The following PLA2G4F variants were observed in gnomAD, a reference collection of about 807,000 sequenced individuals.
PLA2G4F encodes cytosolic phospholipase A2 zeta.
A neutral mutation model predicts 103.1 loss-of-function variants in PLA2G4F; 105 were observed. The ratio of observed to expected loss-of-function variants is 1.02; its 90% CI spans 0.87 to 1.20. The LOEUF is 1.20. PLA2G4F is among the 50% of genes most tolerant of loss of function. PLA2G4F has a pLI of 0.00. For missense variants in PLA2G4F, 1,155 were observed against 1,075.9 expected, an observed-to-expected ratio of 1.07 and a Z score of -1.03; for synonymous variants, 468 against 441.1, an observed-to-expected ratio of 1.06 and a Z score of -0.76.
At chr15:42,149,084 T>C in intron 11 of PLA2G4F, 1 of 985,406 alleles carries the variant, frequency 1.0e-6, no homozygotes, top group Non-Finnish European at 1.2e-6. Context: ...GGCCACAGGC[T>C]GGCTGTCTCT....
Position 42,141,859 on chromosome 15 carries a change from C to T in PLA2G4F, c.*125G>A, listed in dbSNP as rs148685484. ...GAGCTTTCCGGGGCCTGGGGCACCT[C>T]GAGGCAGGTCCTGGAGAGAAGGGAA... On this transcript the variant is annotated 3_prime_UTR_variant, in exon 20 of 20. Coordinates refer to ENST00000397272, the MANE Select transcript of PLA2G4F (RefSeq NM_213600.4). The T allele has an allele frequency of 5.5e-5, 57 of 1,027,230 alleles. No homozygotes were observed. The Admixed American group carries it at 5.8e-4, about 10-fold the overall frequency. The allele number at this position is 1,027,230 out of a possible 1,614,324, so 63.6% of individuals were successfully genotyped here.
intron 12 of PLA2G4F, 80 bp from the exon 13 acceptor site, chr15:42,147,426 C>T (rs1482272114): frequency 1.4e-6 from 2 of 1,443,148 alleles, no homozygotes; most frequent in Middle Eastern, 2.4e-4. Context: ...TGTGAGTGGC[C>T]CTCCACCCCC....
At chr15:42,149,259 TA>T in intron 11 of PLA2G4F, 7 of 803,326 alleles carry the variant, frequency 8.7e-6, no homozygotes, top group Non-Finnish European at 1.1e-5. Context: ...TGAGTAAGGG[TA>T]GGGCCTTCAA....
In PLA2G4F at chr15:42,144,016, T is replaced by A. The variant is rs756173146; in HGVS notation, c.2104A>T (p.Ile702Phe). The change falls in exon 18 of 20, where the codon ATT (isoleucine) becomes TTT (phenylalanine). Residue 702 changes from isoleucine (I) to phenylalanine (F), a missense_variant. By Grantham distance (21) the Ile-to-Phe change is conservative (BLOSUM62 0). Transcript: ENST00000397272. ...TCCAAGGAATAGTCAAAGGACAGAA[T>A]GAGGTCCACTGCTCTCTGAGGCAGC... ...ALLPQRAVDL[I>F]LSFDYSLEAP... is the part of the protein sequence containing the mutation. 2 of 1,613,382 alleles carry A rather than the reference T, an allele frequency of 1.2e-6. No homozygotes were observed. The highest frequency in any genetic ancestry group is 1.7e-5 in the Admixed American group (1 of 59,934).
chr15:42,155,192 C>T (rs1018849107), intron 2 of PLA2G4F, among the ~76,000 whole-genome samples: 8 of 151,812 alleles, frequency 5.3e-5, no homozygotes, highest in Non-Finnish European at 1.0e-4. Flanking sequence ...TATACACACT[C>T]GCAGTCACAT....
rs1432391303 is a variant in PLA2G4F, at chr15:42,142,091, G to A, written c.2443C>T (p.Leu815=). 6.2e-7 allele frequency: 1 copy of A among 1,614,098 alleles called. No homozygotes were observed. Among genetic ancestry groups the A allele is most frequent in the Non-Finnish European group, 8.5e-7 (1 of 1,180,028 alleles). Residue 815 remains leucine, a synonymous_variant, in exon 20 of 20, where the codon CTG becomes TTG. Coordinates refer to ENST00000397272, the MANE Select transcript of PLA2G4F (RefSeq NM_213600.4). ...FTYEPQDFYR[L]VALSRYNVLN... Reference sequence around the variant, plus strand: ...ACGTTGTATCGACTGAGGGCCACCAGCCGATAAAAGTCCTGGGGCTCATAG... The same window carrying A: ...ACGTTGTATCGACTGAGGGCCACCAACCGATAAAAGTCCTGGGGCTCATAG...
intron 17 of PLA2G4F, 150 bp from the exon 18 acceptor site, chr15:42,144,294 C>G: frequency 7.2e-7 from 1 of 1,388,290 alleles, no homozygotes; most frequent in Non-Finnish European, 9.7e-7. Flanking sequence ...GCCCTGCCTT[C>G]CAGCTTCCAG....
intron 16 of PLA2G4F, among the ~76,000 whole-genome samples, chr15:42,145,001 G>A (rs1198424893): frequency 1.3e-5 from 2 of 152,230 alleles, no homozygotes; most frequent in Non-Finnish European, 2.9e-5. Context: ...GGGCTGTGAA[G>A]GTGAACGGGA....
chr15:42,145,596 T>G lies in PLA2G4F; in HGVS notation c.1759A>C (p.Arg587=), dbSNP rs2048872977. 1 of 1,614,018 alleles carries G rather than the reference T, an allele frequency of 6.2e-7. No homozygotes were observed. Among genetic ancestry groups the G allele is most frequent in the African/African-American group, 1.3e-5 (1 of 74,910 alleles). Residue 587 remains arginine, a synonymous_variant, in exon 16 of 20, where the codon AGA becomes CGA. Transcript: ENST00000397272. ...TCACCTGTGATATTCACACTGCCTC[T>G]GTACCACTCCAGGAAGCTGAGGCCC... ...GSGLSFLEWY[R]GSVNITDDCQ...
chr15:42,147,320 G>A lies in PLA2G4F; in HGVS notation c.1223C>T (p.Pro408Leu), dbSNP rs753605649. The change falls in exon 13 of 20, where the codon CCA (proline) becomes CTA (leucine). Residue 408 changes from proline to leucine, a missense_variant. Pro to Leu is a moderately conservative substitution (Grantham distance 98). Coordinates refer to ENST00000397272, the MANE Select transcript of PLA2G4F (RefSeq NM_213600.4). The stretch of plus-strand genomic sequence containing the variant: ...CTGCAAGGCCACCTGGGACCAGGCT[G>A]GGTCCCTGTAGAGTGTGGAGATGCA... ...TWCISTLYRD[P>L]AWSQVALQGP... 1 of 1,608,896 alleles carries A rather than the reference G, an allele frequency of 6.2e-7. No homozygotes were observed. The highest frequency in any genetic ancestry group is 1.1e-5 in the South Asian group (1 of 90,992).
In PLA2G4F at chr15:42,142,699, C is replaced by T; in HGVS notation, c.2158G>A (p.Glu720Lys). ...EAPFEVLKMTEKYCLDRGIPF... is the reference protein window; with the variant it reads ...EAPFEVLKMTKKYCLDRGIPF... ...ATTCCTCGGTCCAGGCAGTACTTCT[C>T]TGTCATCTTCAAGACCTGAGCAGGA... is the stretch of plus-strand genomic sequence containing the variant. The change falls in exon 19 of 20, where the codon GAG becomes AAG. Residue 720 changes from glutamate (E) to lysine (K), a missense_variant. Glu to Lys is a moderately conservative substitution (Grantham distance 56). Transcript: ENST00000397272. The T allele has an allele frequency of 6.2e-7, 1 of 1,614,078 alleles. No individual in the cohort carries two copies. Among genetic ancestry groups the T allele is most frequent in the South Asian group, 1.1e-5 (1 of 91,070 alleles).
intron 19 of PLA2G4F, 120 bp from the exon 20 acceptor site, chr15:42,142,324 G>GGGGTCTGAGAGCTGAGATGTGGC: frequency 8.5e-7 from 1 of 1,169,922 alleles, no homozygotes; most frequent in African/African-American, 1.6e-5. Flanking sequence ...CCCTGCTTGG[G>GGGGTCTGAGAGCTGAGATGTGGC]CCACATCTCA....
At position 42,142,689 on chromosome 15, in the gene PLA2G4F, C is replaced by T. The variant is rs748256769; in HGVS notation, c.2168G>A (p.Cys723Tyr). Reference protein sequence around the residue: ...FEVLKMTEKYCLDRGIPFPSI... With the variant: ...FEVLKMTEKYYLDRGIPFPSI... ...AGGGAAGGGGATTCCTCGGTCCAGGCAGTACTTCTCTGTCATCTTCAAGAC... is the reference window on the plus strand; with the variant it reads ...AGGGAAGGGGATTCCTCGGTCCAGGTAGTACTTCTCTGTCATCTTCAAGAC... The change falls in exon 19 of 20, where the codon TGC becomes TAC. Residue 723 changes from cysteine to tyrosine, a missense_variant. By Grantham distance (194) the Cys-to-Tyr change is radical. This residue lies in a region of PLA2G4F where 782 missense variants were observed against 692.9 expected (regional missense o/e 1.13). Transcript: ENST00000397272. The T allele has an allele frequency of 6.2e-7, 1 of 1,614,086 alleles. No individual in the cohort carries two copies. The highest frequency in any genetic ancestry group is 8.5e-7 in the Non-Finnish European group (1 of 1,180,004).
chr15:42,148,301 T>C (rs1314371914), intron 11 of PLA2G4F, among the ~76,000 whole-genome samples: 2 of 152,106 alleles, frequency 1.3e-5, no homozygotes, highest in African/African-American at 2.4e-5. Context: ...ACCTAAGCAG[T>C]ATGGCTCCAG....
intron 11 of PLA2G4F, chr15:42,148,630 G>A (rs1016245172): frequency 6.1e-6 from 6 of 985,188 alleles, no homozygotes; most frequent in South Asian, 9.4e-5. Flanking sequence ...GAGCACCACC[G>A]AGCTAAAGTG....
intron 4 of PLA2G4F, 42 bp downstream of exon 4, chr15:42,154,050 C>T (rs2048986672): frequency 1.9e-6 from 3 of 1,612,684 alleles, no homozygotes; most frequent in East Asian, 4.5e-5. Context: ...GCTGGGCCTC[C>T]CCTCCTCCAG....
intron 4 of PLA2G4F, 146 bp from the exon 5 acceptor site, chr15:42,153,806 A>G (rs894141388): frequency 2.2e-6 from 2 of 889,676 alleles, no homozygotes; most frequent in South Asian, 1.7e-5. Context: ...GGGCAGTGGT[A>G]TCTCCATGGA....
In PLA2G4F at chr15:42,149,277, G is replaced by C. The variant is rs896092097; in HGVS notation, c.1059+436C>G. On this transcript the variant is annotated intron_variant, in intron 11 of 19. Transcript: ENST00000397272. ...GTAAGGGTAGGGCCTTCAACTGATA[G>C]GACTGGGGTCCTTAGAAGAGGAGGA... is the stretch of plus-strand genomic sequence containing the variant. 1.4e-5 allele frequency: 10 copies of C among 694,450 alleles called. No homozygotes were observed. In the African/African-American group the frequency reaches 1.8e-4, roughly 12 times the overall value. The allele number at this position is 694,450 out of a possible 1,614,324, so 43.0% of individuals were successfully genotyped here.
intron 19 of PLA2G4F, 71 bp downstream of exon 19, chr15:42,142,457 A>C (rs1478352376): frequency 6.7e-7 from 1 of 1,493,610 alleles, no homozygotes; most frequent in African/African-American, 1.4e-5. Context: ...CAGGGAACCC[A>C]CCCTCAGAAC....
Sources: gnomAD v4.1 joint callset for allele counts (sites outside exome capture counted in the v4.1 genomes callset) on GRCh38, gnomAD v4.1.1 for gene constraint, gnomAD v4.1.1 regional missense constraint, MANE v1.5 for transcripts, NCBI Gene and HGNC (gene_info 2026-07-23, HGNC 2026-07-21) for gene names.